UNC13C: variants seen among roughly 807,000 people sequenced by gnomAD.
UNC13C encodes protein unc-13 homolog C.
Under a neutral mutation model 245.4 loss-of-function variants are expected in UNC13C, and 174 were observed. The ratio of observed to expected loss-of-function variants is 0.71; its 90% CI spans 0.63 to 0.80. The LOEUF is 0.80. Among genes scored for constraint, UNC13C ranks in the 30% least tolerant of loss-of-function variants. UNC13C has a pLI of 0.00. For missense variants in UNC13C, 2,829 were observed against 2,602.9 expected (o/e 1.09, Z -1.89); for synonymous variants, 992 against 895.1 (o/e 1.11, Z -1.93).
At chr15:54,480,292 A>G (rs1457561915) in intron 19 of UNC13C, among the ~76,000 whole-genome samples, 1 of 151,518 alleles carries the variant, frequency 6.6e-6, no homozygotes, top group Admixed American at 6.6e-5. Flanking sequence ...TATATTTAAT[A>G]ATATAAAATG....
intron 2 of UNC13C, among the ~76,000 whole-genome samples, chr15:54,139,594 ATAT>A (rs2141230490): frequency 6.6e-6 from 1 of 152,352 alleles, no homozygotes; most frequent in Admixed American, 6.5e-5. Flanking sequence ...TTGATTAATA[ATAT>A]TCTCAACAGC....
At chr15:54,135,928 G>C (rs1005489775) in intron 2 of UNC13C, among the ~76,000 whole-genome samples, 1 of 152,054 alleles carries the variant, frequency 6.6e-6, no homozygotes, top group African/African-American at 2.4e-5. Flanking sequence ...GAATCTGTAG[G>C]TCACTTAAAA....
chr15:54,442,733 T>C (rs541718368), intron 19 of UNC13C, among the ~76,000 whole-genome samples: 1 of 152,296 alleles, frequency 6.6e-6, no homozygotes, highest in African/African-American at 2.4e-5. Context: ...TTTATTGATT[T>C]ACATATATTG....
intron 2 of UNC13C, among the ~76,000 whole-genome samples, chr15:54,055,421 G>A (rs1220520740): frequency 6.6e-6 from 1 of 152,106 alleles, no homozygotes; most frequent in South Asian, 2.1e-4. Context: ...TATATTTCTT[G>A]AGATTCTATT....
At chr15:54,262,353 T>G (rs982251588) in intron 8 of UNC13C, among the ~76,000 whole-genome samples, 10 of 152,238 alleles carry the variant, frequency 6.6e-5, no homozygotes, top group Non-Finnish European at 1.5e-4. Flanking sequence ...TTTAGGACAT[T>G]CCTTGCCTGG....
the UNC13C span, among the ~76,000 whole-genome samples, chr15:53,907,322 A>G: frequency 6.6e-6 from 1 of 152,186 alleles, no homozygotes; most frequent in Non-Finnish European, 1.5e-5. Context: ...ATTTTCTTTG[A>G]TGGTTGATGT....
chr15:54,481,128 A>G (rs1219811619), intron 19 of UNC13C, among the ~76,000 whole-genome samples: 2 of 152,162 alleles, frequency 1.3e-5, no homozygotes, highest in African/African-American at 4.8e-5. Flanking sequence ...AGTATCATTA[A>G]TGTCTTGGAG....
chr15:53,948,994 G>T, the UNC13C span, among the ~76,000 whole-genome samples: 12 of 152,242 alleles, frequency 7.9e-5, no homozygotes, highest in Non-Finnish European at 1.5e-4. Context: ...ACTATTTATT[G>T]TGCTAGGCCC....
Position 54,013,917 on chromosome 15 carries a change from G to A in UNC13C, c.1014G>A (p.Val338=). Residue 338 remains valine, a synonymous_variant, in exon 2 of 33, where the codon GTG becomes GTA. Coordinates refer to ENST00000260323, the MANE Select transcript of UNC13C (RefSeq NM_001080534.3). ...EERFEYVESV[V]YQILIDKMGF... ...GATTTGAATATGTTGAAAGCGTGGT[G>A]TACCAAATTCTAATAGATAAAATGG... is the stretch of plus-strand genomic sequence containing the variant. The A allele has an allele frequency of 4.3e-6, 7 of 1,613,090 alleles. No homozygotes were observed. Among genetic ancestry groups the A allele is most frequent in the Non-Finnish European group, 5.9e-6 (7 of 1,179,634 alleles).
the UNC13C span, among the ~76,000 whole-genome samples, chr15:53,891,268 G>A: frequency 6.6e-6 from 1 of 152,174 alleles, no homozygotes; most frequent in Non-Finnish European, 1.5e-5. Context: ...TTGCTGAGAA[G>A]TGTTTTACTT....
intron 4 of UNC13C, among the ~76,000 whole-genome samples, chr15:54,175,020 A>G (rs756119323): frequency 7.2e-5 from 11 of 152,260 alleles, no homozygotes; most frequent in Non-Finnish European, 1.5e-4. Flanking sequence ...TCGCCTAAGC[A>G]TGCTATCCCA....
At chr15:54,549,823 C>A (rs1428023908) in intron 28 of UNC13C, 132 bp downstream of exon 28, 7 of 599,194 alleles carry the variant, frequency 1.2e-5, no homozygotes, top group Non-Finnish European at 2.0e-5. Flanking sequence ...TCACAATCTG[C>A]TTTAGGAATT....
chr15:54,172,739 TATATATATATATATATATATATC>T (rs2033461836), intron 4 of UNC13C, among the ~76,000 whole-genome samples: 1 of 94,834 alleles, frequency 1.1e-5, no homozygotes, highest in Non-Finnish European at 2.0e-5. Context: ...TATATATATA[TATATATATATATATATATATATC>T]TTTACTCTAT....
intron 30 of UNC13C, among the ~76,000 whole-genome samples, chr15:54,575,641 A>T (rs1355480797): frequency 6.6e-6 from 1 of 152,126 alleles, no homozygotes; most frequent in African/African-American, 2.4e-5. Context: ...TCTGGAAAAA[A>T]TGCTGAGAAA....
intron 4 of UNC13C, among the ~76,000 whole-genome samples, chr15:54,202,634 G>A (rs915232969): frequency 6.6e-6 from 1 of 151,824 alleles, no homozygotes; most frequent in African/African-American, 2.4e-5. Context: ...ATGAAACTGG[G>A]TCCTTATCTC....
chr15:54,177,170 C>T (rs766620789), intron 4 of UNC13C, among the ~76,000 whole-genome samples: 9 of 152,034 alleles, frequency 5.9e-5, no homozygotes, highest in Middle Eastern at 3.2e-3. Flanking sequence ...CTATACCATG[C>T]GCATGTGTAG....
At chr15:53,896,537 T>A in the UNC13C span, among the ~76,000 whole-genome samples, 1 of 152,144 alleles carries the variant, frequency 6.6e-6, no homozygotes, top group South Asian at 2.1e-4. Context: ...ATCATAATAA[T>A]ACATGGGATG....
chr15:54,016,101 T>C (rs569777707), intron 2 of UNC13C, among the ~76,000 whole-genome samples: 4 of 152,308 alleles, frequency 2.6e-5, no homozygotes, highest in African/African-American at 9.6e-5. Flanking sequence ...ATGGGTCATA[T>C]TGGAATGAGC....
intron 2 of UNC13C, among the ~76,000 whole-genome samples, chr15:54,066,041 A>G (rs1195538826): frequency 6.6e-6 from 1 of 152,218 alleles, no homozygotes; most frequent in African/African-American, 2.4e-5. Context: ...AATTACTTTA[A>G]TTATGACTTT....
Sources: gnomAD v4.1 joint callset for allele counts (sites outside exome capture counted in the v4.1 genomes callset) on GRCh38, gnomAD v4.1.1 for gene constraint, MANE v1.5 for transcripts, NCBI Gene and HGNC (gene_info 2026-07-23, HGNC 2026-07-21) for gene names.